Variants in KAZN observed in about 807,000 individuals in gnomAD.
KAZN encodes kazrin, periplakin interacting protein, also known as kazrin.
A neutral mutation model predicts 87.4 loss-of-function variants in KAZN; 40 were observed. That is an observed-to-expected ratio of 0.46 (90% CI 0.36 to 0.60). The LOEUF is 0.60. Ranked by LOEUF, KAZN falls within the 20% of genes least tolerant of loss-of-function variation. The probability of loss-of-function intolerance (pLI) is 0.00; values close to 1 mark genes in which losing one functional copy is unlikely to be tolerated. For missense variants in KAZN, 898 were observed against 1,073.9 expected, an observed-to-expected ratio of 0.84 and a Z score of 2.29; for synonymous variants, 466 against 458.3, an observed-to-expected ratio of 1.02 and a Z score of -0.22.
intron 1 of KAZN, among the ~76,000 whole-genome samples, chr1:14,008,534 G>A (rs901760619): frequency 3.3e-5 from 5 of 152,190 alleles, no homozygotes; most frequent in African/African-American, 4.8e-5. Flanking sequence ...ACCCAGAGTC[G>A]AGTACTGGGG....
At chr1:13,946,098 T>A (rs1399457660) in intron 1 of KAZN, among the ~76,000 whole-genome samples, 1 of 152,226 alleles carries the variant, frequency 6.6e-6, no homozygotes, top group African/African-American at 2.4e-5. Flanking sequence ...AACCCAGAGT[T>A]AGCTTTTCTG....
At chr1:14,858,395 T>TA (rs1229536645) in intron 1 of KAZN, among the ~76,000 whole-genome samples, 5 of 152,028 alleles carry the variant, frequency 3.3e-5, no homozygotes, top group Non-Finnish European at 1.5e-5. Context: ...GTATTTTTAG[T>TA]AGAGACGGGG....
intron 2 of KAZN, among the ~76,000 whole-genome samples, chr1:15,020,432 C>T (rs1042544482): frequency 2.0e-5 from 3 of 152,196 alleles, no homozygotes; most frequent in Non-Finnish European, 4.4e-5. Flanking sequence ...CCTTTCTTGC[C>T]ACTATCCCCC....
chr1:14,924,592 G>T, intron 1 of KAZN: 1 of 1,009,388 alleles, frequency 9.9e-7, no homozygotes, highest in Non-Finnish European at 1.2e-6. Context: ...CGCGGGGCGG[G>T]GCGGGGCGGG....
intron 1 of KAZN, among the ~76,000 whole-genome samples, chr1:14,163,242 G>A (rs1465508063): frequency 2.6e-5 from 4 of 152,218 alleles, no homozygotes; most frequent in Admixed American, 2.6e-4. Context: ...TAGAGTGGGA[G>A]TGAAAGGAAC....
intron 8 of KAZN, among the ~76,000 whole-genome samples, chr1:15,090,626 C>T (rs1244124579): frequency 6.6e-6 from 1 of 152,236 alleles, no homozygotes; most frequent in Non-Finnish European, 1.5e-5. Flanking sequence ...GCCACTCAGA[C>T]GGGTGACCTG....
At chr1:14,446,711 T>C (rs1174914282) in intron 2 of KAZN, among the ~76,000 whole-genome samples, 1 of 152,122 alleles carries the variant, frequency 6.6e-6, no homozygotes, top group Non-Finnish European at 1.5e-5. Flanking sequence ...CGCAGGTAGC[T>C]CAGTCTAGTG....
chr1:14,205,056 C>T (rs540253104), intron 2 of KAZN, among the ~76,000 whole-genome samples: 1 of 152,308 alleles, frequency 6.6e-6, no homozygotes, highest in East Asian at 1.9e-4. Context: ...AGCCAGGCTG[C>T]TTCTATCTCC....
intron 2 of KAZN, among the ~76,000 whole-genome samples, chr1:14,200,016 A>G (rs888945179): frequency 6.6e-6 from 1 of 152,066 alleles, no homozygotes; most frequent in African/African-American, 2.4e-5. Flanking sequence ...TTTCATTTGT[A>G]TCACAGATAA....
Position 15,094,474 on chromosome 1 carries a change from C to A in KAZN, c.1428+89C>A. The A allele has an allele frequency of 8.1e-7, 1 of 1,235,666 alleles. No homozygotes were observed. The highest frequency in any genetic ancestry group is 1.1e-6 in the Non-Finnish European group (1 of 879,106). The allele number at this position is 1,235,666 out of a possible 1,614,324, so 76.5% of individuals were successfully genotyped here. ...AAGCTGGCCTGCCCCCCACTCCTAC[C>A]CTGGAGTCAGGAGAAGGTGCAATCT... is the stretch of plus-strand genomic sequence containing the variant. On this transcript the variant is annotated intron_variant, in intron 9 of 14. Transcript: ENST00000376030. The surrounding 1 kb of genome is among the most constrained non-coding windows in gnomAD (Gnocchi z 4.5).
intron 2 of KAZN, among the ~76,000 whole-genome samples, chr1:14,990,208 T>TTTTG (rs1379457319): frequency 5.9e-5 from 9 of 152,030 alleles, no homozygotes; most frequent in South Asian, 2.1e-4. Flanking sequence ...CACCACTTGT[T>TTTTG]TTTGTTTGTT....
intron 1 of KAZN, among the ~76,000 whole-genome samples, chr1:14,134,613 G>A (rs951679170): frequency 3.9e-5 from 6 of 152,136 alleles, no homozygotes; most frequent in Non-Finnish European, 8.8e-5. Flanking sequence ...ATCTGTGTGG[G>A]CAAACATCAT....
chr1:14,751,438 G>A (rs72636633), intron 1 of KAZN, among the ~76,000 whole-genome samples: 5,669 of 152,238 alleles, frequency 0.037, 193 homozygotes, highest in Middle Eastern at 0.068. Context: ...CTTACTCAGC[G>A]CTAGGCATTA....
At chr1:14,612,409 C>T (rs1321239590) in intron 1 of KAZN, among the ~76,000 whole-genome samples, 1 of 152,202 alleles carries the variant, frequency 6.6e-6, no homozygotes, top group African/African-American at 2.4e-5. Context: ...CAGGGCGGGA[C>T]ACTTGACATC....
intron 1 of KAZN, among the ~76,000 whole-genome samples, chr1:14,768,552 T>C (rs1011577658): frequency 6.6e-6 from 1 of 152,180 alleles, no homozygotes; most frequent in African/African-American, 2.4e-5. Context: ...TTTCAAGTGG[T>C]CTCCACTTCC....
At chr1:13,921,869 G>A (rs779538241) in intron 1 of KAZN, among the ~76,000 whole-genome samples, 1 of 152,000 alleles carries the variant, frequency 6.6e-6, no homozygotes, top group African/African-American at 2.4e-5. Flanking sequence ...CTGACCTCGT[G>A]ATCTGCCCGC....
At chr1:15,003,827 A>G (rs1343195009) in intron 2 of KAZN, among the ~76,000 whole-genome samples, 2 of 151,846 alleles carry the variant, frequency 1.3e-5, no homozygotes, top group Non-Finnish European at 2.9e-5. Context: ...TGCCTGCTGT[A>G]CCCCTCTCTT....
chr1:14,568,655 A>G (rs1250494589), intron 2 of KAZN, among the ~76,000 whole-genome samples: 2 of 152,174 alleles, frequency 1.3e-5, no homozygotes, highest in Admixed American at 1.3e-4. Context: ...TTACAATTCA[A>G]GGTGGGATTT....
At chr1:14,098,213 A>G (rs768511636) in intron 1 of KAZN, among the ~76,000 whole-genome samples, 9 of 152,070 alleles carry the variant, frequency 5.9e-5, no homozygotes, top group Non-Finnish European at 8.8e-5. Context: ...TGTCTTCTAT[A>G]CTTTAGCATC....
Sources: gnomAD v4.1 joint callset for allele counts (sites outside exome capture counted in the v4.1 genomes callset) on GRCh38, gnomAD v4.1.1 for gene constraint, Gnocchi (gnomAD v3.1) non-coding constraint, MANE v1.5 for transcripts, NCBI Gene and HGNC (gene_info 2026-07-23, HGNC 2026-07-21) for gene names.